Variants in ANXA8 observed in about 807,000 individuals in gnomAD.
ANXA8 encodes the protein VAC-beta.
A neutral mutation model predicts 26.8 loss-of-function variants in ANXA8; 9 were observed. That is an observed-to-expected ratio of 0.34 (90% CI 0.20 to 0.59). The LOEUF (loss-of-function observed/expected upper bound fraction) is 0.59, where lower values mean the gene tolerates loss of function less well. Ranked by LOEUF, ANXA8 falls within the 20% of genes least tolerant of loss-of-function variation. The pLI is 0.84. For missense variants in ANXA8, 83 were observed against 238.5 expected (o/e 0.35, Z 4.29); for synonymous variants, 39 against 94.8 (o/e 0.41, Z 3.42).
chr10:47,944,548 C>T, the ANXA8 span, among the ~76,000 whole-genome samples: 16 of 150,854 alleles, frequency 1.1e-4, no homozygotes, highest in Middle Eastern at 3.4e-3. Flanking sequence ...TCCCACATGT[C>T]GTGGGAGGGG....
chr10:47,952,223 A>G, the ANXA8 span, among the ~76,000 whole-genome samples: 1 of 151,806 alleles, frequency 6.6e-6, no homozygotes, highest in East Asian at 2.0e-4. Context: ...TGAGGCAGGA[A>G]TGTCCACTTT....
the ANXA8 span, among the ~76,000 whole-genome samples, chr10:47,715,447 G>GAA: frequency 0.014 from 1,451 of 103,760 alleles, no homozygotes; most frequent in African/African-American, 0.02. Context: ...CTCTGTCTTG[G>GAA]AAAAAAAAAA....
chr10:47,685,756 G>A, the ANXA8 span, among the ~76,000 whole-genome samples: 2 of 149,612 alleles, frequency 1.3e-5, no homozygotes, highest in African/African-American at 4.9e-5. Context: ...ATTTAGGAAA[G>A]AGTAATGTTC....
the ANXA8 span, chr10:47,970,392 G>A: frequency 2.0e-5 from 3 of 150,994 alleles, no homozygotes; most frequent in African/African-American, 4.8e-5. Context: ...CTCCTTGGAA[G>A]GGGAAGCTTC....
chr10:47,554,982 T>C, the ANXA8 span, among the ~76,000 whole-genome samples: 1,868 of 151,478 alleles, frequency 0.012, 30 homozygotes, highest in African/African-American at 0.042. Flanking sequence ...CCTCCCTCCA[T>C]GATCAGACCT....
the ANXA8 span, among the ~76,000 whole-genome samples, chr10:47,587,800 A>G: frequency 6.8e-6 from 1 of 146,380 alleles, no homozygotes; most frequent in South Asian, 2.1e-4. Context: ...GAATAAGAAG[A>G]AGACTGAAAA....
At chr10:47,628,091 T>C in the ANXA8 span, among the ~76,000 whole-genome samples, 2 of 150,710 alleles carry the variant, frequency 1.3e-5, no homozygotes, top group African/African-American at 4.9e-5. Context: ...ATGAAGGATG[T>C]TATGTCACTT....
At chr10:47,627,970 G>C in the ANXA8 span, among the ~76,000 whole-genome samples, 1 of 149,868 alleles carries the variant, frequency 6.7e-6, no homozygotes, top group African/African-American at 2.5e-5. Context: ...CTTATGACTA[G>C]AGAGTGTTGT....
chr10:47,700,148 A>G, the ANXA8 span, among the ~76,000 whole-genome samples: 5 of 151,978 alleles, frequency 3.3e-5, no homozygotes, highest in African/African-American at 1.2e-4. Context: ...ATAAAAGTTG[A>G]TACTAAAGCT....
At chr10:47,550,033 C>T in the ANXA8 span, among the ~76,000 whole-genome samples, 1 of 151,738 alleles carries the variant, frequency 6.6e-6, no homozygotes, top group Non-Finnish European at 1.5e-5. Flanking sequence ...AGGAGGATTG[C>T]TTGAGCCTGG....
chr10:47,744,407 CTGG>C, the ANXA8 span, among the ~76,000 whole-genome samples: 5 of 6,376 alleles, frequency 7.8e-4, no homozygotes, highest in African/African-American at 2.6e-3. Context: ...GGGAAGGCTC[CTGG>C]TGGGGGGGGG....
chr10:47,651,399 T>G, the ANXA8 span, among the ~76,000 whole-genome samples: 2 of 151,574 alleles, frequency 1.3e-5, 1 homozygote, highest in Non-Finnish European at 2.9e-5. Flanking sequence ...ACAGATGCTA[T>G]GGGAAACAGT....
the ANXA8 span, among the ~76,000 whole-genome samples, chr10:47,658,133 G>A: frequency 1.3e-5 from 2 of 151,910 alleles, no homozygotes; most frequent in Non-Finnish European, 2.9e-5. Context: ...CACTTTGGAG[G>A]CTGAGGCGGG....
the ANXA8 span, among the ~76,000 whole-genome samples, chr10:47,530,155 T>G: frequency 7.2e-6 from 1 of 139,426 alleles, no homozygotes; most frequent in Non-Finnish European, 1.5e-5. Context: ...AGCAGGTAAC[T>G]CCATTTATCC....
At chr10:47,679,456 A>G in the ANXA8 span, among the ~76,000 whole-genome samples, 57 of 152,236 alleles carry the variant, frequency 3.7e-4, no homozygotes, top group Middle Eastern at 3.4e-3. Flanking sequence ...AAAAATAGAA[A>G]TATAAAAAGT....
At chr10:47,691,118 G>A in the ANXA8 span, 1 of 1,610,374 alleles carries the variant, frequency 6.2e-7, no homozygotes, top group African/African-American at 1.3e-5. Flanking sequence ...AGTGCCTTTA[G>A]CAACAGTTAC....
the ANXA8 span, among the ~76,000 whole-genome samples, chr10:47,776,231 T>C: frequency 6.7e-6 from 1 of 150,244 alleles, no homozygotes; most frequent in South Asian, 2.2e-4. Context: ...AACCCATTTT[T>C]TCCCCCAAAC....
chr10:47,691,244 G>A, the ANXA8 span: 1 of 1,363,428 alleles, frequency 7.3e-7, no homozygotes, highest in East Asian at 2.4e-5. Context: ...GGTCATTATG[G>A]TATAGTGGTA....
the ANXA8 span, among the ~76,000 whole-genome samples, chr10:47,674,502 T>C: frequency 2.6e-5 from 4 of 151,606 alleles, no homozygotes; most frequent in Admixed American, 2.6e-4. Context: ...ATATTGACCT[T>C]GATCATCTGG....
Sources: gnomAD v4.1 joint callset for allele counts (sites outside exome capture counted in the v4.1 genomes callset) on GRCh38, gnomAD v4.1.1 for gene constraint, MANE v1.5 for transcripts, NCBI Gene and HGNC (gene_info 2026-07-23, HGNC 2026-07-21) for gene names.